The following ZBTB20 variants were observed in gnomAD, a reference collection of about 807,000 sequenced individuals.
The protein encoded by ZBTB20 is zinc finger and BTB domain containing 20, also known as zinc finger and BTB domain-containing protein 20.
A neutral mutation model predicts 56.9 loss-of-function variants in ZBTB20; 9 were observed. That is an observed-to-expected ratio of 0.16 (90% confidence interval 0.10 to 0.28). The LOEUF is 0.28. Among genes scored for constraint, ZBTB20 ranks in the 10% least tolerant of loss-of-function variants. ZBTB20 has a pLI of 1.00. For missense variants in ZBTB20, 655 were observed against 1,003.0 expected (o/e 0.65, Z 4.69); for synonymous variants, 417 against 420.7 (o/e 0.99, Z 0.11).
At chr3:114,716,907 G>A (rs1459575854) in intron 5 of ZBTB20, among the ~76,000 whole-genome samples, 1 of 152,002 alleles carries the variant, frequency 6.6e-6, no homozygotes, top group African/African-American at 2.4e-5. Context: ...TGGAAACCTG[G>A]CCCAGAAATG....
intron 7 of ZBTB20, among the ~76,000 whole-genome samples, chr3:114,487,518 A>C (rs963353310): frequency 1.3e-5 from 2 of 152,202 alleles, no homozygotes; most frequent in Non-Finnish European, 2.9e-5. Context: ...AGAGGGGGAA[A>C]AATGCCCCAG....
chr3:114,447,185 A>C (rs2091321790), intron 7 of ZBTB20, among the ~76,000 whole-genome samples: 1 of 152,208 alleles, frequency 6.6e-6, no homozygotes, highest in South Asian at 2.1e-4. Context: ...GGCTTCCACA[A>C]AGGCACCTTA....
At chr3:114,459,243 C>T (rs1023353955) in intron 7 of ZBTB20, among the ~76,000 whole-genome samples, 3 of 152,060 alleles carry the variant, frequency 2.0e-5, no homozygotes, top group Non-Finnish European at 4.4e-5. Flanking sequence ...AAACTTCCTC[C>T]AAGTTATTTT....
chr3:115,014,300 T>C (rs2079851562), intron 2 of ZBTB20, among the ~76,000 whole-genome samples: 1 of 151,606 alleles, frequency 6.6e-6, no homozygotes, highest in Non-Finnish European at 1.5e-5. Context: ...GTGGGGATGG[T>C]TAATGGGTTA....
rs371540526 is a variant in ZBTB20 at position 114,560,052 on chromosome 3, T to C, written c.-294-59661A>G. Among the ~76,000 whole-genome samples the C allele has an allele frequency of 3.2e-4, 48 of 152,318 alleles. No homozygotes were observed. In the East Asian group the frequency reaches 7.3e-3, roughly 23 times the overall value. On this transcript the variant is annotated intron_variant, in intron 6 of 11. Transcript: ENST00000675478. ...GGTCAAATTTTATATTTATCAGCAT[T>C]GATGCAGTGTTGTTTTGGTCTGTTC...
intron 4 of ZBTB20, among the ~76,000 whole-genome samples, chr3:114,873,627 C>T (rs563762516): frequency 5.9e-5 from 9 of 151,990 alleles, no homozygotes; most frequent in Non-Finnish European, 1.3e-4. Context: ...AGAAATAACA[C>T]AAAAGGTTCT....
intron 3 of ZBTB20, among the ~76,000 whole-genome samples, chr3:114,925,693 A>C (rs978654547): frequency 6.6e-6 from 1 of 151,792 alleles, no homozygotes; most frequent in Non-Finnish European, 1.5e-5. Flanking sequence ...CACCTGGCTA[A>C]ATTTTTGTAT....
chr3:114,376,349 AGTTTCTGTTGCTGT>A (rs1560161980), intron 10 of ZBTB20, among the ~76,000 whole-genome samples: 1 of 152,226 alleles, frequency 6.6e-6, no homozygotes. Context: ...TCAAGGGGAC[AGTTTCTGTTGCTGT>A]GGGAACCTGA....
intron 4 of ZBTB20, among the ~76,000 whole-genome samples, chr3:114,806,667 T>G (rs187846121): frequency 1.4e-3 from 216 of 152,118 alleles, no homozygotes; most frequent in Non-Finnish European, 2.3e-3. Context: ...AAGAACTTTT[T>G]CTAACCCAAA....
At chr3:114,469,446 T>C (rs2039868326) in intron 7 of ZBTB20, among the ~76,000 whole-genome samples, 1 of 152,202 alleles carries the variant, frequency 6.6e-6, no homozygotes, top group African/African-American at 2.4e-5. Flanking sequence ...CACTGTATGA[T>C]GATATCTAAT....
At chr3:114,649,105 G>A (rs949183700) in intron 6 of ZBTB20, among the ~76,000 whole-genome samples, 6 of 151,776 alleles carry the variant, frequency 4.0e-5, no homozygotes, top group African/African-American at 9.7e-5. Context: ...TTTGACAGAG[G>A]AGCCAAAAAG....
intron 4 of ZBTB20, among the ~76,000 whole-genome samples, chr3:114,830,844 A>G (rs1560297480): frequency 1.3e-5 from 2 of 151,896 alleles, no homozygotes; most frequent in Non-Finnish European, 2.9e-5. Flanking sequence ...TGCGCTCCAA[A>G]TGTACTATTC....
At chr3:114,702,871 A>G (rs1442553488) in intron 5 of ZBTB20, among the ~76,000 whole-genome samples, 1 of 152,220 alleles carries the variant, frequency 6.6e-6, no homozygotes, top group Non-Finnish European at 1.5e-5. Flanking sequence ...GTAGTCTGAA[A>G]CACTGTAGAG....
At chr3:115,085,005 C>G (rs1434004059) in intron 1 of ZBTB20, among the ~76,000 whole-genome samples, 2 of 151,864 alleles carry the variant, frequency 1.3e-5, no homozygotes, top group Non-Finnish European at 2.9e-5. Context: ...TTGAGCTTCT[C>G]AAGGAATACT....
chr3:114,720,204 G>C (rs2064817684), intron 5 of ZBTB20, among the ~76,000 whole-genome samples: 1 of 148,972 alleles, frequency 6.7e-6, no homozygotes, highest in Non-Finnish European at 1.5e-5. Flanking sequence ...ATGAATACAT[G>C]CTTATTGGAA....
At chr3:114,477,633 T>C (rs536107990) in intron 7 of ZBTB20, among the ~76,000 whole-genome samples, 35 of 151,484 alleles carry the variant, frequency 2.3e-4, no homozygotes, top group Non-Finnish European at 4.7e-4. Flanking sequence ...GTATCTGGGA[T>C]TACAGGCGCC....
At position 115,018,616 on chromosome 3, in the gene ZBTB20, G is replaced by A. The variant is rs543787895; in HGVS notation, c.-506-44200C>T. Among the ~76,000 whole-genome samples the A allele has an allele frequency of 4.2e-4, 64 of 151,404 alleles. 1 individual carries two copies. Among genetic ancestry groups the A allele is most frequent in the Non-Finnish European group, 6.1e-4 (41 of 67,558 alleles). Reference sequence around the variant, plus strand: ...GGACTAGACAAAAAAAATGATGATCGCATTTGTGAAAGTGGAACAACACTG... The same window carrying A: ...GGACTAGACAAAAAAAATGATGATCACATTTGTGAAAGTGGAACAACACTG... On this transcript the variant is annotated intron_variant, in intron 2 of 11. Coordinates refer to ENST00000675478, the MANE Select transcript of ZBTB20 (RefSeq NM_001348800.3).
At chr3:114,455,582 T>C (rs1254212640) in intron 7 of ZBTB20, among the ~76,000 whole-genome samples, 3 of 152,030 alleles carry the variant, frequency 2.0e-5, no homozygotes, top group Admixed American at 6.6e-5. Flanking sequence ...ACAAGACAGG[T>C]ACAGTCAGAT....
At chr3:114,670,902 A>G (rs1260957685) in intron 6 of ZBTB20, among the ~76,000 whole-genome samples, 2 of 152,126 alleles carry the variant, frequency 1.3e-5, no homozygotes, top group Non-Finnish European at 2.9e-5. Flanking sequence ...GTTTCATTAC[A>G]CAGCTATAAT....
Sources: gnomAD v4.1 joint callset for allele counts (sites outside exome capture counted in the v4.1 genomes callset) on GRCh38, gnomAD v4.1.1 for gene constraint, MANE v1.5 for transcripts, NCBI Gene and HGNC (gene_info 2026-07-23, HGNC 2026-07-21) for gene names.